The following MUC13 variants were observed in gnomAD, a reference collection of about 807,000 sequenced individuals.
MUC13 encodes the protein mucin 13, cell surface associated.
In MUC13, 32 loss-of-function variants were observed where a neutral mutation model predicts 48.3. The ratio of observed to expected loss-of-function variants is 0.66; its 90% CI spans 0.50 to 0.89. MUC13 has a LOEUF of 0.89. Ranked by LOEUF, MUC13 falls within the 40% of genes least tolerant of loss-of-function variation. The probability of loss-of-function intolerance (pLI) is 0.00; values close to 1 mark genes in which losing one functional copy is unlikely to be tolerated. For missense variants in MUC13, 571 were observed against 622.8 expected (o/e 0.92, Z 0.88); for synonymous variants, 199 against 224.9 (o/e 0.88, Z 1.03).
At chr3:124,907,480 T>C (rs1935336660) in intron 11 of MUC13, among the ~76,000 whole-genome samples, 1 of 152,120 alleles carries the variant, frequency 6.6e-6, no homozygotes, top group Admixed American at 6.6e-5. Flanking sequence ...TAGCCAGGCA[T>C]AGCGGCATGT....
At chr3:124,926,387 G>A (rs759464557) in intron 2 of MUC13, among the ~76,000 whole-genome samples, 4 of 152,194 alleles carry the variant, frequency 2.6e-5, no homozygotes, top group South Asian at 2.1e-4. Context: ...AACACCTGGC[G>A]AAGCAGAAAT....
intron 1 of MUC13, among the ~76,000 whole-genome samples, chr3:124,931,506 G>A (rs568267637): frequency 6.6e-6 from 1 of 151,926 alleles, no homozygotes; most frequent in South Asian, 2.1e-4. Context: ...CCAGCAGTTT[G>A]GGAGGCCGAG....
At chr3:124,911,079 A>AGAATT (rs1360274542) in intron 9 of MUC13, among the ~76,000 whole-genome samples, 3 of 152,250 alleles carry the variant, frequency 2.0e-5, no homozygotes, top group Non-Finnish European at 4.4e-5. Flanking sequence ...AAAATGTGAG[A>AGAATT]GAATTGGTTT....
intron 2 of MUC13, among the ~76,000 whole-genome samples, chr3:124,923,874 G>A (rs1276122598): frequency 1.3e-5 from 2 of 152,104 alleles, no homozygotes; most frequent in African/African-American, 4.8e-5. Context: ...CTTGTCAATA[G>A]TAAAGATCAG....
Position 124,916,184 on chromosome 3 carries a change from T to C in MUC13, c.964+133A>G. 5.6e-6 allele frequency: 4 copies of C among 711,712 alleles called. No homozygotes were observed. In the South Asian group the frequency reaches 5.9e-5, roughly 10 times the overall value. 44.1% of individuals were successfully genotyped at this position (711,712 alleles called of 1,614,324 possible). ...ACAAGAAAAGGGAAGAAGAATTGGA[T>C]AAAAAGAAATTTAGAGACAGTTGTC... On this transcript the variant is annotated intron_variant, in intron 6 of 11. Coordinates refer to ENST00000616727, the MANE Select transcript of MUC13 (RefSeq NM_033049.4).
Position 124,913,210 on chromosome 3 carries a change from T to G in MUC13, c.1115A>C (p.Asn372Thr). Reference sequence around the variant, plus strand: ...TATTAAGCATTGCTTGTGCTGTGCGTTGCAGGCATCAGGACACTTGAGACT... The same window carrying G: ...TATTAAGCATTGCTTGTGCTGTGCGGTGCAGGCATCAGGACACTTGAGACT... The part of the protein sequence containing the change: ...ASSLKCPDAC[N>T]AQHKQCLIKK... Residue 372 changes from asparagine (N) to threonine (T), a missense_variant, in exon 8 of 12, where the codon AAC becomes ACC. Transcript: ENST00000616727. 1 of 1,613,912 alleles carries G rather than the reference T, an allele frequency of 6.2e-7. No individual in the cohort carries two copies. Among genetic ancestry groups the G allele is most frequent in the Admixed American group, 1.7e-5 (1 of 60,000 alleles).
chr3:124,906,788 C>A (rs1470277526), intron 11 of MUC13, 46 bp from the exon 12 acceptor site: 1 of 152,178 alleles, frequency 6.6e-6, no homozygotes, highest in East Asian at 1.9e-4. Flanking sequence ...AGAAAATACT[C>A]CAACAGAAAC....
intron 9 of MUC13, among the ~76,000 whole-genome samples, chr3:124,911,624 G>T (rs1267519161): frequency 6.6e-6 from 1 of 151,926 alleles, no homozygotes; most frequent in East Asian, 1.9e-4. Flanking sequence ...TGGGGGTGGG[G>T]CATGGGAGGG....
intron 4 of MUC13, among the ~76,000 whole-genome samples, chr3:124,921,732 C>G (rs916672103): frequency 3.9e-5 from 6 of 151,902 alleles, no homozygotes; most frequent in African/African-American, 1.5e-4. Context: ...TTTTTAAAAG[C>G]CAGACTAGTA....
chr3:124,925,989 A>C (rs1935679225), intron 2 of MUC13, among the ~76,000 whole-genome samples: 1 of 152,214 alleles, frequency 6.6e-6, no homozygotes, highest in African/African-American at 2.4e-5. Flanking sequence ...GTATCTTATA[A>C]ACAAAAATAA....
rs769644818 is a variant in MUC13, at chr3:124,927,792, GGTGTAGGAATT to G, written c.243_253del (p.Ile82CysfsTer6). 3 of 1,614,048 alleles carry G rather than the reference GGTGTAGGAATT, an allele frequency of 1.9e-6. No individual in the cohort carries two copies. In the East Asian group the frequency reaches 6.7e-5, roughly 36 times the overall value. ...ATGTGTACTAATTATGGGGGGAGCA[GGTGTAGGAATT>G]GTGGAGGAACTATGTGTACTAATTA... On this transcript the variant is annotated frameshift_variant, in exon 2 of 12. Transcript: ENST00000616727. LOFTEE classifies it high-confidence loss of function.
chr3:124,914,274 G>T (rs1935473488), intron 6 of MUC13, among the ~76,000 whole-genome samples: 1 of 152,130 alleles, frequency 6.6e-6, no homozygotes, highest in African/African-American at 2.4e-5. Flanking sequence ...GCTGGGTGTG[G>T]TGGCATGTGC....
chr3:124,931,802 TG>T (rs1935803258), intron 1 of MUC13, among the ~76,000 whole-genome samples: 1 of 151,516 alleles, frequency 6.6e-6, no homozygotes, highest in African/African-American at 2.4e-5. Context: ...CCCAGAACTT[TG>T]GGAGGCCAAG....
At chr3:124,919,360 T>G (rs943666086) in intron 5 of MUC13, among the ~76,000 whole-genome samples, 24 of 150,158 alleles carry the variant, frequency 1.6e-4, no homozygotes, top group Middle Eastern at 3.4e-3. Context: ...AAAATGGTTT[T>G]TTTTTTTTTT....
At chr3:124,917,287 T>G (rs373957775) in intron 5 of MUC13, among the ~76,000 whole-genome samples, 2 of 152,324 alleles carry the variant, frequency 1.3e-5, no homozygotes, top group East Asian at 3.9e-4. Flanking sequence ...TTTGTCGCTC[T>G]GTGCTTTTAA....
intron 1 of MUC13, among the ~76,000 whole-genome samples, chr3:124,932,739 T>C (rs1935819068): frequency 6.6e-6 from 1 of 152,050 alleles, no homozygotes; most frequent in Non-Finnish European, 1.5e-5. Context: ...CCTCTATTGC[T>C]ACACAGGAAG....
Position 124,930,386 on chromosome 3 carries a change from T to C in MUC13, c.53-2393A>G, listed in dbSNP as rs1935774553. 2.0e-5 allele frequency among the ~76,000 whole-genome samples: 3 copies of C among 152,212 alleles called. No individual in the cohort carries two copies. In the South Asian group the frequency reaches 6.2e-4, roughly 32 times the overall value. On this transcript the variant is annotated intron_variant, in intron 1 of 11. Transcript: ENST00000616727. ...AAACTAAAATACACTTGTGTGTGTC[T>C]ATGTGTATATATGTGTTTTATCTGA...
At chr3:124,925,195 T>C (rs1935666700) in intron 2 of MUC13, among the ~76,000 whole-genome samples, 1 of 152,242 alleles carries the variant, frequency 6.6e-6, no homozygotes, top group African/African-American at 2.4e-5. Flanking sequence ...AAATGCATGC[T>C]ACTATGTAAA....
intron 1 of MUC13, among the ~76,000 whole-genome samples, chr3:124,931,948 G>A (rs767692887): frequency 7.2e-5 from 11 of 151,930 alleles, no homozygotes; most frequent in Non-Finnish European, 1.0e-4. Flanking sequence ...GGGAAGCTGA[G>A]GCAGGAGAAT....
Sources: allele counts gnomAD v4.1 joint callset (sites outside exome capture counted in the v4.1 genomes callset), GRCh38; gene constraint gnomAD v4.1.1; transcripts MANE v1.5; gene names NCBI Gene and HGNC (gene_info 2026-07-23, HGNC 2026-07-21).